Variants in LRRC4C observed in about 807,000 individuals in gnomAD.
LRRC4C encodes leucine rich repeat containing 4C.
In LRRC4C, 5 loss-of-function variants were observed where a neutral mutation model predicts 33.6. That is an observed-to-expected ratio of 0.15 (90% CI 0.08 to 0.31). LRRC4C has a LOEUF of 0.31. Ranked by LOEUF, LRRC4C falls within the 10% of genes least tolerant of loss-of-function variation. The pLI is 1.00. For synonymous variants in LRRC4C, 329 were observed against 302.0 expected, an observed-to-expected ratio of 1.09 and a Z score of -0.93; for missense variants, 560 against 796.7, an observed-to-expected ratio of 0.70 and a Z score of 3.58.
At chr11:40,457,051 T>C (rs527303461) in intron 3 of LRRC4C, among the ~76,000 whole-genome samples, 44 of 151,522 alleles carry the variant, frequency 2.9e-4, no homozygotes, top group African/African-American at 9.4e-4. Flanking sequence ...TGAGGAGATT[T>C]TAAAAGGTCA....
chr11:40,114,326 G>T lies in LRRC4C; in HGVS notation c.*44C>A, dbSNP rs773729796. ...TCATTTGTGTCATTTTTAATAAACT[G>T]TCTTTTTTTTTGATTGTTTGTTTTT... On this transcript the variant is annotated 3_prime_UTR_variant, in exon 7 of 7. Transcript: ENST00000528697. 1.3e-6 allele frequency: 2 copies of T among 1,510,724 alleles called. No homozygotes were observed. The highest frequency in any genetic ancestry group is 1.8e-6 in the Non-Finnish European group (2 of 1,130,662). 93.6% of individuals were successfully genotyped at this position (1,510,724 alleles called of 1,614,324 possible).
In LRRC4C at chr11:40,510,458, C is replaced by A. The variant is rs143756964; in HGVS notation, c.-270+137684G>T. ...ATAATGACTATTTTACTCAATATTT[C>A]CTTTGTGACAGGATATAACATCTAA... On this transcript the variant is annotated intron_variant, in intron 3 of 6. Transcript: ENST00000528697. Among the ~76,000 whole-genome samples, 3 of 151,962 alleles carry A rather than the reference C, an allele frequency of 2.0e-5. No individual in the cohort carries two copies. The South Asian group carries it at 6.2e-4, about 31-fold the overall frequency.
At chr11:40,715,902 G>A (rs1946682975) in intron 2 of LRRC4C, among the ~76,000 whole-genome samples, 1 of 152,078 alleles carries the variant, frequency 6.6e-6, no homozygotes, top group Non-Finnish European at 1.5e-5. Flanking sequence ...GTGGGTACCT[G>A]TAGTCTCCAC....
chr11:41,408,363 G>T (rs1846452730), intron 1 of LRRC4C, among the ~76,000 whole-genome samples: 1 of 152,098 alleles, frequency 6.6e-6, no homozygotes, highest in African/African-American at 2.4e-5. Flanking sequence ...GCACCTTGAA[G>T]AAGTATGTTA....
At chr11:40,943,036 G>T (rs1404506368) in intron 1 of LRRC4C, among the ~76,000 whole-genome samples, 1 of 152,052 alleles carries the variant, frequency 6.6e-6, no homozygotes, top group Non-Finnish European at 1.5e-5. Context: ...TTTCTATCTT[G>T]GCCCACATGT....
chr11:40,683,722 A>G (rs904033007), intron 2 of LRRC4C, among the ~76,000 whole-genome samples: 2 of 152,190 alleles, frequency 1.3e-5, no homozygotes, highest in Admixed American at 6.6e-5. Flanking sequence ...TGCATGAGGC[A>G]GTGTTAGGGA....
intron 3 of LRRC4C, among the ~76,000 whole-genome samples, chr11:40,452,063 G>T (rs986810079): frequency 7.9e-5 from 12 of 152,016 alleles, no homozygotes; most frequent in African/African-American, 2.9e-4. Context: ...AGCGGTGACA[G>T]ACAGCACCTG....
intron 1 of LRRC4C, among the ~76,000 whole-genome samples, chr11:41,041,550 A>T (rs1157102763): frequency 6.6e-6 from 1 of 152,168 alleles, no homozygotes; most frequent in Non-Finnish European, 1.5e-5. Context: ...AGATTATTAC[A>T]TACATTATGT....
intron 4 of LRRC4C, among the ~76,000 whole-genome samples, chr11:40,318,970 G>C (rs1350476890): frequency 1.3e-5 from 2 of 152,088 alleles, no homozygotes; most frequent in Non-Finnish European, 2.9e-5. Context: ...TCATTCCTTT[G>C]ACTGCCTCCA....
At chr11:40,929,281 A>G (rs1206382918) in intron 2 of LRRC4C, among the ~76,000 whole-genome samples, 1 of 152,196 alleles carries the variant, frequency 6.6e-6, no homozygotes. Flanking sequence ...AAGTTTATCA[A>G]GGTCTAAAAG....
chr11:40,347,842 AG>A (rs1187522988), intron 3 of LRRC4C, among the ~76,000 whole-genome samples: 8 of 152,180 alleles, frequency 5.3e-5, no homozygotes, highest in African/African-American at 1.9e-4. Context: ...TCCCAACCTC[AG>A]GTGATCCGCC....
At chr11:40,777,458 C>A (rs61888007) in intron 2 of LRRC4C, among the ~76,000 whole-genome samples, 11 of 148,122 alleles carry the variant, frequency 7.4e-5, no homozygotes, top group African/African-American at 2.7e-4. Context: ...TGAATTAAAA[C>A]ATTTATCATT....
intron 3 of LRRC4C, among the ~76,000 whole-genome samples, chr11:40,559,503 G>T (rs1016333751): frequency 7.2e-5 from 11 of 152,122 alleles, no homozygotes; most frequent in African/African-American, 2.4e-4. Context: ...CTTTATGGTA[G>T]AATTATTTAT....
At chr11:40,771,325 C>T (rs1949746396) in intron 2 of LRRC4C, among the ~76,000 whole-genome samples, 1 of 152,138 alleles carries the variant, frequency 6.6e-6, no homozygotes, top group South Asian at 2.1e-4. Flanking sequence ...ATGGCTGGAA[C>T]TGAAGCAGCT....
intron 2 of LRRC4C, among the ~76,000 whole-genome samples, chr11:40,806,230 CAT>C (rs1442407891): frequency 6.6e-6 from 1 of 152,176 alleles, no homozygotes; most frequent in African/African-American, 2.4e-5. Flanking sequence ...ATTATTTGCT[CAT>C]ATGTCTGGAG....
chr11:41,426,520 G>GT (rs1565663793), intron 1 of LRRC4C: 1 of 152,166 alleles, frequency 6.6e-6, no homozygotes, highest in Non-Finnish European at 1.5e-5. Flanking sequence ...TTGGTTGCTT[G>GT]TACAGCCCAC....
At chr11:40,811,303 T>C (rs1183905088) in intron 2 of LRRC4C, among the ~76,000 whole-genome samples, 1 of 152,118 alleles carries the variant, frequency 6.6e-6, no homozygotes, top group Non-Finnish European at 1.5e-5. Flanking sequence ...CACCTAAGAT[T>C]ATGTGAATTA....
intron 3 of LRRC4C, among the ~76,000 whole-genome samples, chr11:40,548,788 A>G (rs1957024411): frequency 6.6e-6 from 1 of 152,140 alleles, no homozygotes; most frequent in African/African-American, 2.4e-5. Flanking sequence ...GCATTTTACA[A>G]CAACCCTATG....
intron 5 of LRRC4C, among the ~76,000 whole-genome samples, chr11:40,225,619 C>CT (rs34973833): frequency 0.59 from 82,450 of 140,730 alleles, 26,507 homozygotes; most frequent in East Asian, 0.76. Flanking sequence ...CTCTCTCTCT[C>CT]TTTTTTTTTT....
Sources: gnomAD v4.1 joint callset for allele counts (sites outside exome capture counted in the v4.1 genomes callset) on GRCh38, gnomAD v4.1.1 for gene constraint, MANE v1.5 for transcripts, NCBI Gene and HGNC (gene_info 2026-07-23, HGNC 2026-07-21) for gene names.